ULK4: variants seen among roughly 807,000 people sequenced by gnomAD.
ULK4 encodes unc-51 like kinase 4.
ULK4 carries 133 observed loss-of-function variants against 160.6 expected under a neutral mutation model. The observed-to-expected ratio is 0.83, with a 90% CI of 0.72 to 0.96. The LOEUF (loss-of-function observed/expected upper bound fraction) is 0.96, where lower values mean the gene tolerates loss of function less well. Ranked by LOEUF, ULK4 falls within the 40% of genes least tolerant of loss-of-function variation. The pLI is 0.00. For missense variants in ULK4, 1,580 were observed against 1,499.5 expected, an observed-to-expected ratio of 1.05 and a Z score of -0.89; for synonymous variants, 534 against 539.8, an observed-to-expected ratio of 0.99 and a Z score of 0.15.
rs139066834 is a variant in ULK4, at chr3:41,766,247, G to A, written c.2194-11759C>T. Among the ~76,000 whole-genome samples, 42 of 152,242 alleles carry A rather than the reference G, an allele frequency of 2.8e-4. 2 individuals carry two copies. In the South Asian group the frequency reaches 5.2e-3, roughly 19 times the overall value. On this transcript the variant is annotated intron_variant, in intron 21 of 36. Coordinates refer to ENST00000301831, the MANE Select transcript of ULK4 (RefSeq NM_017886.4). ...CACGCCACTGCACTCCAGCCTGGGC[G>A]TCAGAGCAAGACTCTGTCTCAAAGA...
intron 35 of ULK4, among the ~76,000 whole-genome samples, chr3:41,305,994 G>A (rs1314018721): frequency 2.1e-5 from 3 of 143,410 alleles, no homozygotes; most frequent in Admixed American, 6.9e-5. Flanking sequence ...CAACCGCCCC[G>A]TCTGAGAAGT....
At chr3:41,792,802 T>C (rs923569815) in intron 20 of ULK4, among the ~76,000 whole-genome samples, 1 of 152,260 alleles carries the variant, frequency 6.6e-6, no homozygotes, top group Non-Finnish European at 1.5e-5. Flanking sequence ...ACACTAGTAC[T>C]TGTATTTTCT....
At chr3:41,442,438 T>C (rs898863029) in intron 34 of ULK4, among the ~76,000 whole-genome samples, 3 of 152,176 alleles carry the variant, frequency 2.0e-5, no homozygotes, top group Non-Finnish European at 4.4e-5. Flanking sequence ...TTTCAGTGTA[T>C]GTGTGTCCTA....
At chr3:41,484,222 T>C (rs974583369) in intron 32 of ULK4, among the ~76,000 whole-genome samples, 5 of 152,136 alleles carry the variant, frequency 3.3e-5, no homozygotes, top group African/African-American at 1.2e-4. Context: ...TCAATAAATA[T>C]AGGATGTCTC....
rs535245564 is a variant in ULK4 at position 41,862,795 on chromosome 3, C to G, written c.1656+21079G>C. ...TCTCTCTCTCTCTCTCCGCTCCCCC[C>G]CCCCTTTCTCTCTCTCTCTCCCTCT... On this transcript the variant is annotated intron_variant, in intron 17 of 36. Coordinates refer to ENST00000301831, the MANE Select transcript of ULK4 (RefSeq NM_017886.4). Among the ~76,000 whole-genome samples the G allele has an allele frequency of 7.8e-3, 1,172 of 150,958 alleles. 43 individuals are homozygous for G. The East Asian group carries it at 0.12, about 16-fold the overall frequency.
intron 11 of ULK4, among the ~76,000 whole-genome samples, chr3:41,908,815 G>C (rs531122975): frequency 6.6e-6 from 1 of 152,036 alleles, no homozygotes; most frequent in Non-Finnish European, 1.5e-5. Flanking sequence ...CTTCAGGGCC[G>C]AGTGCGGTGG....
At chr3:41,578,990 G>A (rs1277280528) in intron 31 of ULK4, among the ~76,000 whole-genome samples, 3 of 152,106 alleles carry the variant, frequency 2.0e-5, no homozygotes, top group Non-Finnish European at 4.4e-5. Flanking sequence ...TCTATTCTGG[G>A]ACAAATACTT....
Position 41,600,244 on chromosome 3 carries a change from T to C in ULK4, c.3120+15425A>G, listed in dbSNP as rs557079280. ...ATGCAGGTACTTACTGAGTGTCTAA[T>C]ATTGACAGTCAGTGATCTGTGCGCA... On this transcript the variant is annotated intron_variant, in intron 31 of 36. Transcript: ENST00000301831. Among the ~76,000 whole-genome samples, 185 of 152,280 alleles carry C rather than the reference T, an allele frequency of 1.2e-3. 1 individual carries two copies. Among genetic ancestry groups the C allele is most frequent in the African/African-American group, 4.3e-3 (180 of 41,554 alleles).
intron 4 of ULK4, 58 bp downstream of exon 4, chr3:41,935,743 G>A: frequency 6.6e-7 from 1 of 1,525,634 alleles, no homozygotes; most frequent in African/African-American, 1.4e-5. Context: ...ACATCTTTGA[G>A]AAAGCACTCT....
intron 22 of ULK4, among the ~76,000 whole-genome samples, chr3:41,736,251 A>T (rs111335312): frequency 7.9e-5 from 12 of 151,082 alleles, no homozygotes; most frequent in South Asian, 2.1e-4. Context: ...GTTCTAGATC[A>T]CTGAGGAATC....
intron 30 of ULK4, among the ~76,000 whole-genome samples, chr3:41,633,133 C>T (rs553905196): frequency 1.3e-5 from 2 of 152,194 alleles, no homozygotes; most frequent in African/African-American, 4.8e-5. Flanking sequence ...TAAGCCACAG[C>T]GGATCACAGA....
chr3:41,360,509 CAACTT>C (rs1452326910), intron 35 of ULK4, among the ~76,000 whole-genome samples: 12 of 152,098 alleles, frequency 7.9e-5, no homozygotes, highest in Admixed American at 7.9e-4. Flanking sequence ...GACATGAACT[CAACTT>C]AAATGGCCTA....
chr3:41,639,842 A>G (rs1046641038), intron 30 of ULK4, among the ~76,000 whole-genome samples: 9 of 152,192 alleles, frequency 5.9e-5, no homozygotes, highest in African/African-American at 2.2e-4. Context: ...TAAGATGTTA[A>G]TCTGATATTT....
chr3:41,387,208 A>T (rs115927809), intron 35 of ULK4, among the ~76,000 whole-genome samples: 3,329 of 152,218 alleles, frequency 0.022, 59 homozygotes, highest in Non-Finnish European at 0.033. Context: ...TATCATTTAA[A>T]ACATTTATCA....
At chr3:41,811,571 A>T (rs1485895569) in intron 19 of ULK4, among the ~76,000 whole-genome samples, 1 of 152,198 alleles carries the variant, frequency 6.6e-6, no homozygotes, top group Non-Finnish European at 1.5e-5. Context: ...TGATACGTAG[A>T]TCTCTGCTTA....
chr3:41,425,784 A>G (rs1169725136), intron 34 of ULK4, among the ~76,000 whole-genome samples: 4 of 152,226 alleles, frequency 2.6e-5, no homozygotes, highest in Non-Finnish European at 5.9e-5. Flanking sequence ...AGGAAGCACT[A>G]AATAGGGAAA....
chr3:41,525,444 T>A (rs925043620), intron 32 of ULK4, among the ~76,000 whole-genome samples: 4 of 152,214 alleles, frequency 2.6e-5, no homozygotes, highest in Non-Finnish European at 5.9e-5. Context: ...ATGGCATCAA[T>A]GGACTCTCGT....
At chr3:41,382,107 C>T (rs1205857344) in intron 35 of ULK4, among the ~76,000 whole-genome samples, 1 of 152,132 alleles carries the variant, frequency 6.6e-6, no homozygotes, top group African/African-American at 2.4e-5. Flanking sequence ...CTGCAAATAG[C>T]CTGTTGTCTT....
chr3:41,325,632 T>C (rs999712648), intron 35 of ULK4, among the ~76,000 whole-genome samples: 2 of 152,114 alleles, frequency 1.3e-5, no homozygotes, highest in Non-Finnish European at 2.9e-5. Flanking sequence ...AAATATATAA[T>C]AGGCAGGGCA....
Sources: gnomAD v4.1 joint callset for allele counts (sites outside exome capture counted in the v4.1 genomes callset) on GRCh38, gnomAD v4.1.1 for gene constraint, MANE v1.5 for transcripts, NCBI Gene and HGNC (gene_info 2026-07-23, HGNC 2026-07-21) for gene names.